Variants in DCLRE1C observed in about 807,000 individuals in gnomAD.
DCLRE1C encodes protein artemis.
A neutral mutation model predicts 61.4 loss-of-function variants in DCLRE1C; 47 were observed. That is an observed-to-expected ratio of 0.77 (90% CI 0.61 to 0.98). DCLRE1C has a LOEUF of 0.98. DCLRE1C is among the 50% of genes least tolerant of loss of function. DCLRE1C has a pLI of 0.00. For synonymous variants in DCLRE1C, 337 were observed against 287.6 expected (o/e 1.17, Z -1.74); for missense variants, 858 against 816.0 (o/e 1.05, Z -0.63).
intron 9 of DCLRE1C, among the ~76,000 whole-genome samples, chr10:14,930,281 T>C (rs1838759694): frequency 7.3e-6 from 1 of 137,190 alleles, no homozygotes; most frequent in African/African-American, 3.0e-5. Context: ...TCAGCACCTT[T>C]TTTTTTTTTT....
intron 2 of DCLRE1C, chr10:14,945,461 A>G: frequency 8.5e-7 from 1 of 1,178,140 alleles, no homozygotes; most frequent in South Asian, 1.8e-5. Flanking sequence ...AGTGCCACCA[A>G]GAGCACAAGG....
At chr10:14,927,953 G>C (rs933522483) in intron 10 of DCLRE1C, 63 bp downstream of exon 10, 1 of 1,536,962 alleles carries the variant, frequency 6.5e-7, no homozygotes, top group Non-Finnish European at 9.0e-7. Flanking sequence ...GTGCTTAAAT[G>C]AAATTAAATC....
intron 10 of DCLRE1C, among the ~76,000 whole-genome samples, chr10:14,927,580 GGAGA>G (rs1453571299): frequency 2.3e-5 from 3 of 130,172 alleles, no homozygotes; most frequent in African/African-American, 8.6e-5. Context: ...GAGTGGGGGG[GGAGA>G]AAGGAGAGGG....
chr10:14,914,565 T>G (rs1179538609), intron 13 of DCLRE1C, among the ~76,000 whole-genome samples: 1 of 152,242 alleles, frequency 6.6e-6, no homozygotes, highest in Non-Finnish European at 1.5e-5. Context: ...CATATATTTC[T>G]TTGAAGTACA....
intron 12 of DCLRE1C, chr10:14,920,459 T>C (rs1836912908): frequency 2.0e-6 from 2 of 996,476 alleles, no homozygotes; most frequent in African/African-American, 3.5e-5. Flanking sequence ...AACATACCAT[T>C]TGAACAGGGC....
At chr10:14,897,394 G>T in exon 14 of DCLRE1C, 1 of 1,613,366 alleles carries the variant, frequency 6.2e-7, no homozygotes. Context: ...GTCCCAATAG[G>T]ATTGTACAAA....
At position 14,909,072 on chromosome 10, in the gene DCLRE1C, TCTC is replaced by T. The variant is rs780097801; in HGVS notation, c.1412_1414del (p.Gly471del). 5 of 1,614,228 alleles carry T rather than the reference TCTC, an allele frequency of 3.1e-6. No individual in the cohort carries two copies. The highest frequency in any genetic ancestry group is 3.4e-6 in the Non-Finnish European group (4 of 1,180,046). On this transcript the variant is annotated inframe_deletion, in exon 14 of 14. Transcript: ENST00000378278. ...TTGCAGGTGAAGTACAGAGCCCAGA[TCTC>T]CTTGCAGTGAAGCTGGGATTCCTAC... is the stretch of plus-strand genomic sequence containing the variant.
At position 14,908,187 on chromosome 10, in the gene DCLRE1C, TGTA is replaced by T; in HGVS notation, c.*218_*220del. The T allele has an allele frequency of 4.3e-5, 10 of 230,626 alleles. No homozygotes were observed. The highest frequency in any genetic ancestry group is 6.5e-5 in the Non-Finnish European group (8 of 122,840). 14.3% of individuals were successfully genotyped at this position (230,626 alleles called of 1,614,324 possible). ...TGGCTTTTTTTTTTTTTTTTTTTTT[TGTA>T]AGTAGAGACACATTTCACTGTGTTG... On this transcript the variant is annotated 3_prime_UTR_variant, in exon 14 of 14. Transcript: ENST00000378278.
At position 14,954,019 on chromosome 10, in the gene DCLRE1C, C is replaced by G. The variant is rs1196904553; in HGVS notation, c.-9G>C. On this transcript the variant is annotated 5_prime_UTR_variant, in exon 1 of 14. Coordinates refer to ENST00000378278, the MANE Select transcript of DCLRE1C (RefSeq NM_001033855.3). ...CCCTCGAAAGAACTCATAGCGCCGC[C>G]GATCCCAGAGTCCGGGACCCCAAAA... The G allele has an allele frequency of 3.1e-6, 5 of 1,613,926 alleles. No individual in the cohort carries two copies. The highest frequency in any genetic ancestry group is 4.2e-6 in the Non-Finnish European group (5 of 1,179,910).
At chr10:14,951,419 A>T (rs1302238364) in intron 1 of DCLRE1C, among the ~76,000 whole-genome samples, 1 of 145,614 alleles carries the variant, frequency 6.9e-6, no homozygotes, top group East Asian at 2.1e-4. Flanking sequence ...AAAAAAAAAA[A>T]AAGGAAGTGA....
chr10:14,948,018 C>T (rs1841941974), intron 2 of DCLRE1C, among the ~76,000 whole-genome samples: 1 of 152,152 alleles, frequency 6.6e-6, no homozygotes, highest in Non-Finnish European at 1.5e-5. Flanking sequence ...CCACTGCACT[C>T]CAGCCTGGGC....
intron 4 of DCLRE1C, among the ~76,000 whole-genome samples, chr10:14,938,764 T>C (rs1394198847): frequency 6.6e-6 from 1 of 152,204 alleles, no homozygotes; most frequent in Non-Finnish European, 1.5e-5. Flanking sequence ...TGCAAAAATA[T>C]TAATCACCAT....
chr10:14,933,598 C>A (rs1465805882), intron 8 of DCLRE1C, among the ~76,000 whole-genome samples: 1 of 151,836 alleles, frequency 6.6e-6, no homozygotes, highest in Non-Finnish European at 1.5e-5. Context: ...GACCGTGCCA[C>A]TGCACTCCAG....
At chr10:14,945,550 A>G in intron 2 of DCLRE1C, 1 of 1,093,252 alleles carries the variant, frequency 9.1e-7, no homozygotes, top group Non-Finnish European at 1.1e-6. Flanking sequence ...ACGCGCTTGT[A>G]TGTGATCAGG....
At chr10:14,918,628 TTA>T (rs1491245259) in intron 13 of DCLRE1C, among the ~76,000 whole-genome samples, 1 of 147,334 alleles carries the variant, frequency 6.8e-6, no homozygotes, top group Non-Finnish European at 1.5e-5. Flanking sequence ...AAGCTGTTTT[TTA>T]AAAAAAAAAA....
intron 2 of DCLRE1C, among the ~76,000 whole-genome samples, chr10:14,946,751 G>C (rs12262117): frequency 0.028 from 4,261 of 152,040 alleles, 221 homozygotes; most frequent in African/African-American, 0.096. Context: ...CTGAGCACCT[G>C]GGACTACAGC....
At chr10:14,900,992 T>A (rs1304645090), downstream of DCLRE1C, 1 of 1,101,710 alleles carries the variant, frequency 9.1e-7, no homozygotes, top group East Asian at 2.5e-5. Context: ...TGTGCATGCC[T>A]CAAAGACCTC....
intron 11 of DCLRE1C, among the ~76,000 whole-genome samples, chr10:14,924,146 C>T (rs1275332768): frequency 2.6e-5 from 4 of 152,212 alleles, no homozygotes; most frequent in South Asian, 2.1e-4. Context: ...ACTGAGCTGC[C>T]GCAGGCTGTG....
chr10:14,936,395 G>A (rs567315884), intron 5 of DCLRE1C, 143 bp downstream of exon 5: 129 of 484,444 alleles, frequency 2.7e-4, no homozygotes, highest in Admixed American at 9.8e-4. Context: ...CAATCCTCCC[G>A]CGTCAGCCTC....
Sources: gnomAD v4.1 joint callset for allele counts (sites outside exome capture counted in the v4.1 genomes callset) on GRCh38, gnomAD v4.1.1 for gene constraint, MANE v1.5 for transcripts, NCBI Gene and HGNC (gene_info 2026-07-23, HGNC 2026-07-21) for gene names.